SUMF1: variants seen among roughly 807,000 people sequenced by gnomAD.
The protein encoded by SUMF1 is formylglycine-generating enzyme.
Under a neutral mutation model 47.6 loss-of-function variants are expected in SUMF1, and 48 were observed. The ratio of observed to expected loss-of-function variants is 1.01; its 90% CI spans 0.80 to 1.28. The LOEUF is 1.28. SUMF1 is among the 50% of genes most tolerant of loss of function. The pLI is 0.00. For synonymous variants in SUMF1, 230 were observed against 192.1 expected (o/e 1.20, Z -1.63); for missense variants, 571 against 485.4 (o/e 1.18, Z -1.66).
At chr3:4,134,601 A>C (rs1240777982) in intron 8 of SUMF1, among the ~76,000 whole-genome samples, 2 of 152,270 alleles carry the variant, frequency 1.3e-5, no homozygotes, top group East Asian at 3.9e-4. Flanking sequence ...AGAAGGCAGA[A>C]GGCAAGAAAT....
At chr3:4,398,175 T>C (rs914985391) in intron 7 of SUMF1, among the ~76,000 whole-genome samples, 1 of 152,120 alleles carries the variant, frequency 6.6e-6, no homozygotes, top group Admixed American at 6.6e-5. Context: ...TAAATGTATA[T>C]GTATGTAAAC....
At chr3:4,309,028 C>G (rs1698301930) in intron 8 of SUMF1, among the ~76,000 whole-genome samples, 1 of 152,094 alleles carries the variant, frequency 6.6e-6, no homozygotes, top group South Asian at 2.1e-4. Flanking sequence ...TGGTTCAGTC[C>G]AGAAAGACAG....
chr3:4,299,271 C>T (rs1165873080), intron 8 of SUMF1, among the ~76,000 whole-genome samples: 2 of 152,186 alleles, frequency 1.3e-5, no homozygotes, highest in Non-Finnish European at 2.9e-5. Flanking sequence ...ACAAACAGCT[C>T]CCAGGCAGCT....
At chr3:4,322,690 C>T (rs1465288035) in intron 8 of SUMF1, among the ~76,000 whole-genome samples, 1 of 151,444 alleles carries the variant, frequency 6.6e-6, no homozygotes. Context: ...AAAAGACAGA[C>T]AATTATAAGC....
intron 8 of SUMF1, among the ~76,000 whole-genome samples, chr3:4,090,067 A>T (rs1191830540): frequency 1.3e-5 from 2 of 152,146 alleles, no homozygotes; most frequent in East Asian, 3.8e-4. Flanking sequence ...TTTGTTGACC[A>T]GGTATTCCCA....
In SUMF1 at chr3:4,175,430, G is replaced by C. The variant is rs190633002; in HGVS notation, c.1015-106685C>G. ...AGTGGAACTCCAGCAAACTCCAACA[G>C]ACCTGCAGCTGAGGGACCTGACTGT... On this transcript the variant is annotated intron_variant and NMD_transcript_variant, in intron 8 of 12. Coordinates refer to the SUMF1 transcript ENST00000448413. Among the ~76,000 whole-genome samples, 77 of 152,264 alleles carry C rather than the reference G, an allele frequency of 5.1e-4. 1 individual carries two copies. The highest frequency in any genetic ancestry group is 1.7e-3 in the African/African-American group (71 of 41,544).
rs374608632 is a variant in SUMF1 at position 4,387,623 on chromosome 3, G to C, written c.955-11234C>G. Among the ~76,000 whole-genome samples the C allele has an allele frequency of 8.4e-4, 127 of 151,818 alleles. 1 individual carries two copies. Among genetic ancestry groups the C allele is most frequent in the African/African-American group, 2.9e-3 (121 of 41,478 alleles). Reference sequence around the variant, plus strand: ...TTTTATTATTTCCTTACTTTTGCTTGCTTTGGGTTTAGTTTTCTCCTTTTT... The same window carrying C: ...TTTTATTATTTCCTTACTTTTGCTTCCTTTGGGTTTAGTTTTCTCCTTTTT... On this transcript the variant is annotated intron_variant, in intron 7 of 8. Coordinates refer to ENST00000272902, the MANE Select transcript of SUMF1 (RefSeq NM_182760.4).
At position 4,111,021 on chromosome 3, in the gene SUMF1, C is replaced by T. The variant is rs528619959; in HGVS notation, c.1015-42276G>A. 1.7e-3 allele frequency among the ~76,000 whole-genome samples: 234 copies of T among 134,806 alleles called. 3 individuals carry two copies. Among genetic ancestry groups the T allele is most frequent in the African/African-American group, 6.4e-3 (225 of 35,054 alleles). The allele number at this position is 134,806 out of a possible 152,430, so 88.4% of individuals were successfully genotyped here. A position where few individuals can be genotyped will look rare whatever the true frequency, so the allele number is the denominator to read the frequency against. On this transcript the variant is annotated intron_variant and NMD_transcript_variant, in intron 8 of 12. Coordinates refer to the SUMF1 transcript ENST00000448413. ...TAAAAAAAGAAACTTACAATCATAG[C>T]AAAAAAAAAAAGGGAGAGATTAAAA...
In SUMF1 at chr3:4,259,738, A is replaced by T. The variant is rs190419215; in HGVS notation, c.1014+116592T>A. 6.6e-4 allele frequency among the ~76,000 whole-genome samples: 101 copies of T among 152,320 alleles called. No individual in the cohort carries two copies. The East Asian group carries it at 0.014, about 21-fold the overall frequency. On this transcript the variant is annotated intron_variant and NMD_transcript_variant, in intron 8 of 12. Transcript: ENST00000448413. Reference sequence around the variant, plus strand: ...TGAAAGCACAAAGCCTAATGGCAAAAGGCAATTTTTAAAATAAATATATTA... The same window carrying T: ...TGAAAGCACAAAGCCTAATGGCAAATGGCAATTTTTAAAATAAATATATTA...
chr3:4,334,990 C>T (rs308738), intron 8 of SUMF1, among the ~76,000 whole-genome samples: 40,986 of 151,966 alleles, frequency 0.27, 5,989 homozygotes, highest in South Asian at 0.44. Context: ...GGCAGTCTTA[C>T]GTAAATAAAA....
At chr3:4,113,692 T>C (rs1693361334) in intron 8 of SUMF1, among the ~76,000 whole-genome samples, 2 of 152,034 alleles carry the variant, frequency 1.3e-5, no homozygotes, top group Admixed American at 1.3e-4. Flanking sequence ...TTTTGGAAGA[T>C]ATGCCACTCT....
At chr3:4,278,759 A>G (rs2125043720) in intron 8 of SUMF1, among the ~76,000 whole-genome samples, 1 of 152,276 alleles carries the variant, frequency 6.6e-6, no homozygotes, top group East Asian at 1.9e-4. Flanking sequence ...TATTCTTTCA[A>G]AATGGGTTAT....
chr3:4,235,280 C>A (rs1022320240), intron 8 of SUMF1, among the ~76,000 whole-genome samples: 2 of 152,086 alleles, frequency 1.3e-5, no homozygotes, highest in African/African-American at 4.8e-5. Context: ...GAGCAATTAT[C>A]TGAGGGTGGT....
At chr3:4,165,370 A>ATAAC (rs1185898969) in intron 8 of SUMF1, among the ~76,000 whole-genome samples, 2 of 152,060 alleles carry the variant, frequency 1.3e-5, no homozygotes, top group Non-Finnish European at 2.9e-5. Context: ...TGAAGAGGAC[A>ATAAC]CAACCAATAG....
intron 8 of SUMF1, among the ~76,000 whole-genome samples, chr3:4,197,402 G>C (rs1452814002): frequency 6.6e-6 from 1 of 152,048 alleles, no homozygotes; most frequent in Non-Finnish European, 1.5e-5. Context: ...CACCCAGTAA[G>C]GAGATGGTTT....
At chr3:4,096,066 T>C (rs1304025350) in intron 8 of SUMF1, among the ~76,000 whole-genome samples, 1 of 152,176 alleles carries the variant, frequency 6.6e-6, no homozygotes, top group Non-Finnish European at 1.5e-5. Context: ...CCCACCGGCT[T>C]AGAATTCTAT....
intron 8 of SUMF1, among the ~76,000 whole-genome samples, chr3:4,191,482 A>T (rs1695313692): frequency 6.6e-6 from 1 of 152,182 alleles, no homozygotes; most frequent in East Asian, 1.9e-4. Flanking sequence ...AGGAGAAACC[A>T]ATGGAAGATT....
intron 8 of SUMF1, among the ~76,000 whole-genome samples, chr3:4,225,765 C>T (rs1171235037): frequency 6.6e-6 from 1 of 152,072 alleles, no homozygotes; most frequent in Non-Finnish European, 1.5e-5. Flanking sequence ...AGTGCAAATA[C>T]TCAAAAATGC....
At chr3:4,256,987 T>C (rs371307123) in intron 8 of SUMF1, among the ~76,000 whole-genome samples, 74 of 124,668 alleles carry the variant, frequency 5.9e-4, no homozygotes, top group Admixed American at 2.7e-3. Flanking sequence ...ATCCAGCATA[T>C]AAACAGAGCC....
Sources: gnomAD v4.1 joint callset for allele counts (sites outside exome capture counted in the v4.1 genomes callset) on GRCh38, gnomAD v4.1.1 for gene constraint, MANE v1.5 for transcripts, NCBI Gene and HGNC (gene_info 2026-07-23, HGNC 2026-07-21) for gene names.